CRYBG1: variants seen among roughly 807,000 people sequenced by gnomAD.
CRYBG1 encodes beta/gamma crystallin domain-containing protein 1.
A neutral mutation model predicts 189.2 loss-of-function variants in CRYBG1; 139 were observed. That is an observed-to-expected ratio of 0.73 (90% CI 0.64 to 0.85). The LOEUF (loss-of-function observed/expected upper bound fraction) is 0.85. Among genes scored for constraint, CRYBG1 ranks in the 40% least tolerant of loss-of-function variants. The pLI, the probability that CRYBG1 is intolerant of heterozygous loss-of-function variation, is 0.00. For missense variants in CRYBG1, 2,611 were observed against 2,675.8 expected (o/e 0.98, Z 0.53); for synonymous variants, 1,023 against 1,017.1 (o/e 1.01, Z -0.11).
intron 1 of CRYBG1, among the ~76,000 whole-genome samples, chr6:106,416,070 C>G (rs1771015157): frequency 6.6e-6 from 1 of 152,206 alleles, no homozygotes; most frequent in Non-Finnish European, 1.5e-5. Context: ...TCTGTTCCCC[C>G]CACCCAAGAC....
At chr6:106,388,570 C>T (rs1770436178) in intron 1 of CRYBG1, among the ~76,000 whole-genome samples, 1 of 152,140 alleles carries the variant, frequency 6.6e-6, no homozygotes, top group Admixed American at 6.5e-5. Flanking sequence ...TCATTTTAAG[C>T]AGGAGCCTCT....
At chr6:106,494,070 A>G (rs1772786053) in intron 2 of CRYBG1, among the ~76,000 whole-genome samples, 1 of 152,250 alleles carries the variant, frequency 6.6e-6, no homozygotes, top group South Asian at 2.1e-4. Flanking sequence ...GTCTGCATAC[A>G]TATGCATACA....
At chr6:106,425,813 AT>A (rs528177127) in intron 1 of CRYBG1, among the ~76,000 whole-genome samples, 3 of 151,670 alleles carry the variant, frequency 2.0e-5, no homozygotes, top group African/African-American at 7.3e-5. Context: ...TAATTTTTAT[AT>A]TTTCAGTAGA....
At chr6:106,470,794 T>C (rs536960882) in intron 2 of CRYBG1, among the ~76,000 whole-genome samples, 5 of 152,156 alleles carry the variant, frequency 3.3e-5, no homozygotes, top group Admixed American at 6.5e-5. Flanking sequence ...GAAGCATCTT[T>C]AGAGTTGGCA....
At chr6:106,377,778 A>G (rs2114312574) in intron 1 of CRYBG1, among the ~76,000 whole-genome samples, 2 of 152,118 alleles carry the variant, frequency 1.3e-5, no homozygotes, top group Admixed American at 1.3e-4. Context: ...CTCTTAGTGT[A>G]TCCTACCACA....
At chr6:106,456,020 A>T (rs1461413014) in intron 2 of CRYBG1, among the ~76,000 whole-genome samples, 1 of 152,212 alleles carries the variant, frequency 6.6e-6, no homozygotes, top group Non-Finnish European at 1.5e-5. Flanking sequence ...CTGCCCCATC[A>T]TTCAGGAAAC....
At chr6:106,566,540 C>T (rs1449069982) in intron 21 of CRYBG1, among the ~76,000 whole-genome samples, 3 of 128,358 alleles carry the variant, frequency 2.3e-5, no homozygotes, top group African/African-American at 5.8e-5. Flanking sequence ...GACACGATCT[C>T]GGCTCACTGC....
intron 17 of CRYBG1, among the ~76,000 whole-genome samples, chr6:106,556,918 A>C (rs191611624): frequency 1.4e-4 from 21 of 152,324 alleles, no homozygotes; most frequent in African/African-American, 4.8e-4. Flanking sequence ...TCTGCCTAGA[A>C]TTCTAAAAGC....
At chr6:106,525,240 G>C (rs1249193576) in intron 5 of CRYBG1, 28 bp from the exon 6 acceptor site, 1 of 1,613,514 alleles carries the variant, frequency 6.2e-7, no homozygotes, top group Non-Finnish European at 8.5e-7. Flanking sequence ...GTACAACAAA[G>C]TGTGCTACCA....
chr6:106,499,126 TTTG>T, intron 2 of CRYBG1, among the ~76,000 whole-genome samples: 1 of 133,376 alleles, frequency 7.5e-6, no homozygotes, highest in South Asian at 2.3e-4. Context: ...TTGTGTGTTT[TTTG>T]TTTTTTGTTT....
chr6:106,366,324 A>G (rs1326606333), intron 1 of CRYBG1, among the ~76,000 whole-genome samples: 2 of 152,190 alleles, frequency 1.3e-5, no homozygotes, highest in Non-Finnish European at 2.9e-5. Context: ...ATACTAAAGG[A>G]AAGAGTTTTA....
chr6:106,363,707 G>GA (rs1476577401), intron 1 of CRYBG1, among the ~76,000 whole-genome samples: 2 of 152,076 alleles, frequency 1.3e-5, no homozygotes, highest in South Asian at 2.1e-4. Flanking sequence ...GTTTAGGTCA[G>GA]AAAAAAATGA....
intron 1 of CRYBG1, among the ~76,000 whole-genome samples, chr6:106,423,356 C>G (rs1350086442): frequency 7.3e-6 from 1 of 137,652 alleles, no homozygotes; most frequent in Non-Finnish European, 1.5e-5. Flanking sequence ...ACTTTAAAAT[C>G]TTCCTTTGCA....
intron 4 of CRYBG1, among the ~76,000 whole-genome samples, 168 bp downstream of exon 4, chr6:106,521,621 G>A (rs1486049827): frequency 1.4e-5 from 2 of 138,854 alleles, no homozygotes; most frequent in Admixed American, 7.3e-5. Flanking sequence ...GACCGTTAGA[G>A]TGCAAGAAAA....
chr6:106,466,209 C>T (rs898231753), intron 2 of CRYBG1, among the ~76,000 whole-genome samples: 4 of 152,170 alleles, frequency 2.6e-5, no homozygotes, highest in African/African-American at 9.7e-5. Flanking sequence ...ACCCAAAGTA[C>T]TAAGTGCAGC....
At chr6:106,529,992 G>A (rs562287900) in intron 7 of CRYBG1, among the ~76,000 whole-genome samples, 184 bp from the exon 8 acceptor site, 13 of 152,310 alleles carry the variant, frequency 8.5e-5, no homozygotes, top group East Asian at 3.9e-4. Context: ...TGTCTGCCCC[G>A]AAATAGGTGT....
chr6:106,407,290 G>C (rs978974679), intron 1 of CRYBG1, among the ~76,000 whole-genome samples: 3 of 152,104 alleles, frequency 2.0e-5, no homozygotes, highest in Admixed American at 6.5e-5. Context: ...AGACAAAAAA[G>C]AGCACTACAT....
intron 8 of CRYBG1, among the ~76,000 whole-genome samples, chr6:106,532,625 T>C (rs552361239): frequency 6.6e-6 from 1 of 152,206 alleles, no homozygotes; most frequent in Non-Finnish European, 1.5e-5. Context: ...TGGTATCTCA[T>C]TGTGGTTTTG....
chr6:106,447,363 T>C (rs4945753), intron 1 of CRYBG1, among the ~76,000 whole-genome samples: 113,030 of 151,922 alleles, frequency 0.74, 42,566 homozygotes, highest in African/African-American at 0.86. Flanking sequence ...TGAATAAGAC[T>C]CAGTATTTGA....
Sources: allele counts gnomAD v4.1 joint callset (sites outside exome capture counted in the v4.1 genomes callset), GRCh38; gene constraint gnomAD v4.1.1; transcripts MANE v1.5; gene names NCBI Gene and HGNC (gene_info 2026-07-23, HGNC 2026-07-21).